Variants in BRAF observed in about 807,000 individuals in gnomAD.
BRAF encodes the protein B-Raf proto-oncogene, serine/threonine kinase.
BRAF carries 16 observed loss-of-function variants against 104.6 expected under a neutral mutation model. That is an observed-to-expected ratio of 0.15 (90% confidence interval 0.10 to 0.23). BRAF has a LOEUF of 0.23. Among genes scored for constraint, BRAF ranks in the 10% least tolerant of loss-of-function variants. BRAF has a pLI of 1.00. For missense variants in BRAF, 541 were observed against 937.3 expected (o/e 0.58, Z 5.52); for synonymous variants, 310 against 341.6 (o/e 0.91, Z 1.02).
intron 14 of BRAF, among the ~76,000 whole-genome samples, chr7:140,764,539 CT>C (rs1799114100): frequency 1.3e-5 from 2 of 151,572 alleles, no homozygotes; most frequent in South Asian, 4.2e-4. Context: ...GATTGTATAT[CT>C]AGAAAACCCC....
chr7:140,762,812 A>C (rs1211265890), intron 14 of BRAF, among the ~76,000 whole-genome samples: 1 of 152,098 alleles, frequency 6.6e-6, no homozygotes, highest in Non-Finnish European at 1.5e-5. Flanking sequence ...GATGACTCTT[A>C]AGGAGCATGC....
chr7:140,896,850 C>T (rs376076736), intron 1 of BRAF, among the ~76,000 whole-genome samples: 8 of 111,228 alleles, frequency 7.2e-5, no homozygotes, highest in East Asian at 2.6e-4. Context: ...GGTGACAGAG[C>T]GAGACTCCAT....
rs916687935 is a variant in BRAF, at chr7:140,896,101, C to CAATA, written c.138+28461_138+28464dup. The stretch of plus-strand genomic sequence containing the variant: ...AACAGCCACCCTAACTGGGATGAGA[C>CAATA]AATACCTCACTGTGGTTTTGATTTG... On this transcript the variant is annotated intron_variant, in intron 1 of 19. Transcript: ENST00000644969. Among the ~76,000 whole-genome samples, 53 of 152,044 alleles carry CAATA rather than the reference C, an allele frequency of 3.5e-4. 1 individual carries two copies. Among genetic ancestry groups the CAATA allele is most frequent in the African/African-American group, 1.1e-3 (46 of 41,396 alleles).
chr7:140,719,640 C>A lies in BRAF; in HGVS notation c.*6854G>T. The A allele has an allele frequency of 9.4e-7, 1 of 1,062,924 alleles. No homozygotes were observed. Among genetic ancestry groups the A allele is most frequent in the Non-Finnish European group, 1.1e-6 (1 of 877,582 alleles). 65.8% of individuals were successfully genotyped at this position (1,062,924 alleles called of 1,614,324 possible). A position where few individuals can be genotyped will look rare whatever the true frequency, so the allele number is the denominator to read the frequency against. On this transcript the variant is annotated 3_prime_UTR_variant, in exon 20 of 20. Coordinates refer to ENST00000644969, the MANE Select transcript of BRAF (RefSeq NM_001374258.1). ...GAATTAAAAAAAATAATAAAAGATT[C>A]AAGCAAACATTGAGAATAGGGGAAA...
At chr7:140,869,255 T>C (rs1236348237) in intron 1 of BRAF, among the ~76,000 whole-genome samples, 1 of 152,180 alleles carries the variant, frequency 6.6e-6, no homozygotes, top group Non-Finnish European at 1.5e-5. Flanking sequence ...TTCTTTTACA[T>C]GTTCTAAGAG....
At chr7:140,903,786 G>T (rs1157825648) in intron 1 of BRAF, among the ~76,000 whole-genome samples, 2 of 152,202 alleles carry the variant, frequency 1.3e-5, no homozygotes, top group Non-Finnish European at 2.9e-5. Context: ...TTTGGAAGAA[G>T]TTGATTCTAA....
intron 1 of BRAF, among the ~76,000 whole-genome samples, chr7:140,904,196 T>C (rs7793758): frequency 0.3 from 45,706 of 152,060 alleles, 10,962 homozygotes; most frequent in African/African-American, 0.67. Flanking sequence ...TCAACTGATG[T>C]CGCAAACCTC....
chr7:140,798,417 C>T (rs1802722746), intron 7 of BRAF, among the ~76,000 whole-genome samples: 2 of 151,420 alleles, frequency 1.3e-5, no homozygotes, highest in African/African-American at 4.8e-5. Context: ...CCACCACGCC[C>T]GGCTAATTTT....
At chr7:140,839,949 T>C (rs1045424732) in intron 2 of BRAF, among the ~76,000 whole-genome samples, 8 of 152,130 alleles carry the variant, frequency 5.3e-5, no homozygotes, top group African/African-American at 9.7e-5. Context: ...TTTTTGCCCA[T>C]GAAGCCACCA....
rs1218713230 is a variant in BRAF at position 140,719,491 on chromosome 7, GCTTT to G, written c.*6999_*7002del. 1 of 1,023,286 alleles carries G rather than the reference GCTTT, an allele frequency of 9.8e-7. No individual in the cohort carries two copies. Among genetic ancestry groups the G allele is most frequent in the Non-Finnish European group, 1.2e-6 (1 of 847,164 alleles). The allele number at this position is 1,023,286 out of a possible 1,614,324, so 63.4% of individuals were successfully genotyped here. Reference sequence around the variant, plus strand: ...TCAGCTATCTTTTTTTATTCTCCATGCTTTCTATCCAAACTGAACAATATTTTCT... The same window carrying G: ...TCAGCTATCTTTTTTTATTCTCCATGCTATCCAAACTGAACAATATTTTCT... On this transcript the variant is annotated 3_prime_UTR_variant, in exon 20 of 20. Coordinates refer to ENST00000644969, the MANE Select transcript of BRAF (RefSeq NM_001374258.1).
intron 1 of BRAF, among the ~76,000 whole-genome samples, chr7:140,871,005 A>C (rs892201581): frequency 3.9e-5 from 6 of 151,984 alleles, no homozygotes; most frequent in Non-Finnish European, 7.4e-5. Context: ...AGGCGGGCAG[A>C]CCACAAGGTC....
At chr7:140,805,666 C>CT (rs753800292) in intron 5 of BRAF, among the ~76,000 whole-genome samples, 16 of 152,100 alleles carry the variant, frequency 1.1e-4, no homozygotes, top group Non-Finnish European at 1.9e-4. Context: ...AAGGAAGACA[C>CT]TGAGTGTCTG....
At chr7:140,830,475 CTCA>C in intron 3 of BRAF, among the ~76,000 whole-genome samples, 1 of 152,274 alleles carries the variant, frequency 6.6e-6, no homozygotes, top group East Asian at 1.9e-4. Context: ...ATCTTTTGTT[CTCA>C]TATTTGTCTT....
At chr7:140,825,665 T>C (rs1177821313) in intron 3 of BRAF, among the ~76,000 whole-genome samples, 1 of 152,220 alleles carries the variant, frequency 6.6e-6, no homozygotes, top group Non-Finnish European at 1.5e-5. Flanking sequence ...ATGGTGCATT[T>C]GCCCAAGTCA....
At chr7:140,894,226 G>A (rs567555099) in intron 1 of BRAF, among the ~76,000 whole-genome samples, 21 of 152,206 alleles carry the variant, frequency 1.4e-4, no homozygotes, top group South Asian at 2.1e-4. Context: ...TGAAGGCCAC[G>A]GTGGAAACAG....
intron 1 of BRAF, among the ~76,000 whole-genome samples, chr7:140,860,449 C>T (rs1308973676): frequency 7.7e-6 from 1 of 129,184 alleles, no homozygotes; most frequent in African/African-American, 3.2e-5. Flanking sequence ...TGCAACATAG[C>T]AAGACCCCAT....
At chr7:140,874,829 T>C (rs190128795) in intron 1 of BRAF, among the ~76,000 whole-genome samples, 500 of 152,322 alleles carry the variant, frequency 3.3e-3, no homozygotes, top group Non-Finnish European at 5.2e-3. Flanking sequence ...AATTGGATCA[T>C]GGAAGCGGTT....
At chr7:140,754,285 T>G (rs773887544) in intron 14 of BRAF, 52 bp from the exon 14 acceptor site, 4 of 1,519,510 alleles carry the variant, frequency 2.6e-6, no homozygotes, top group Non-Finnish European at 3.7e-6. Flanking sequence ...GACTCTGGCC[T>G]CGAAATCTAC....
At chr7:140,844,096 G>A (rs1345247870) in intron 2 of BRAF, among the ~76,000 whole-genome samples, 1 of 152,136 alleles carries the variant, frequency 6.6e-6, no homozygotes, top group Non-Finnish European at 1.5e-5. Flanking sequence ...CTAGCCAACA[G>A]GGGAATGACA....
Sources: gnomAD v4.1 joint callset for allele counts (sites outside exome capture counted in the v4.1 genomes callset) on GRCh38, gnomAD v4.1.1 for gene constraint, MANE v1.5 for transcripts, NCBI Gene and HGNC (gene_info 2026-07-23, HGNC 2026-07-21) for gene names.